Variants in SOX5 observed in about 807,000 individuals in gnomAD.
SOX5 encodes the protein SRY-box transcription factor 5, also known as transcription factor SOX-5.
In SOX5, 9 loss-of-function variants were observed where a neutral mutation model predicts 92.0. The ratio of observed to expected loss-of-function variants is 0.10; its 90% CI spans 0.06 to 0.17. The LOEUF (loss-of-function observed/expected upper bound fraction) is 0.17, where lower values mean the gene tolerates loss of function less well. Ranked by LOEUF, SOX5 falls within the 10% of genes least tolerant of loss-of-function variation. The probability of loss-of-function intolerance (pLI) is 1.00; values close to 1 mark genes in which losing one functional copy is unlikely to be tolerated. For missense variants in SOX5, 642 were observed against 944.5 expected, an observed-to-expected ratio of 0.68 and a Z score of 4.20; for synonymous variants, 344 against 336.3, an observed-to-expected ratio of 1.02 and a Z score of -0.25.
intron 3 of SOX5, among the ~76,000 whole-genome samples, chr12:23,841,017 C>G (rs74495915): frequency 6.6e-6 from 1 of 151,982 alleles, no homozygotes; most frequent in Non-Finnish European, 1.5e-5. Context: ...GTTTATTCCT[C>G]AAAAGACAAT....
intron 3 of SOX5, among the ~76,000 whole-genome samples, chr12:23,841,188 A>G (rs1348956009): frequency 6.6e-6 from 1 of 152,148 alleles, no homozygotes; most frequent in Non-Finnish European, 1.5e-5. Context: ...GCACTTCATT[A>G]AAGGCATATA....
At chr12:23,788,125 AT>A in intron 3 of SOX5, among the ~76,000 whole-genome samples, 1 of 152,046 alleles carries the variant, frequency 6.6e-6, no homozygotes, top group Middle Eastern at 3.4e-3. Context: ...ATGGTTTATC[AT>A]TTAAAAAAAC....
At position 23,883,428 on chromosome 12, in the gene SOX5, GATAA is replaced by G. The variant is rs568578941; in HGVS notation, c.270+12361_270+12364del. Reference sequence around the variant, plus strand: ...ACAAGAAAATACAGTCTTTTGTTCTGATAAATAATCATAATTAGTAAAAAGAAGA... The same window carrying G: ...ACAAGAAAATACAGTCTTTTGTTCTGATAATCATAATTAGTAAAAAGAAGA... On this transcript the variant is annotated intron_variant, in intron 2 of 14. Coordinates refer to ENST00000451604, the MANE Select transcript of SOX5 (RefSeq NM_006940.6). 6.6e-4 allele frequency among the ~76,000 whole-genome samples: 100 copies of G among 152,216 alleles called. 2 individuals carry two copies. Among genetic ancestry groups the G allele is most frequent in the African/African-American group, 2.2e-3 (90 of 41,530 alleles).
At chr12:23,715,659 A>C (rs1261972858) in intron 6 of SOX5, among the ~76,000 whole-genome samples, 3 of 152,152 alleles carry the variant, frequency 2.0e-5, no homozygotes, top group Non-Finnish European at 2.9e-5. Context: ...AAGCAGCTGG[A>C]GGCAAGACGC....
chr12:23,788,173 A>C (rs763984412), intron 3 of SOX5, among the ~76,000 whole-genome samples: 1 of 152,038 alleles, frequency 6.6e-6, no homozygotes, highest in Non-Finnish European at 1.5e-5. Context: ...TTCAAAAATA[A>C]AAATAAATTT....
At chr12:24,161,881 C>A (rs1952797458) in intron 4 of SOX5, among the ~76,000 whole-genome samples, 1 of 152,000 alleles carries the variant, frequency 6.6e-6, no homozygotes, top group Non-Finnish European at 1.5e-5. Flanking sequence ...CTAACAATTC[C>A]AAATTCAAGA....
At chr12:23,613,835 A>G (rs2137832887) in intron 8 of SOX5, among the ~76,000 whole-genome samples, 1 of 152,334 alleles carries the variant, frequency 6.6e-6, no homozygotes, top group East Asian at 1.9e-4. Context: ...AGAGACAGAA[A>G]GCAGAATGGT....
chr12:24,113,182 A>G (rs1325417183), intron 4 of SOX5, among the ~76,000 whole-genome samples: 1 of 150,062 alleles, frequency 6.7e-6, no homozygotes, highest in Non-Finnish European at 1.5e-5. Flanking sequence ...TTATTTGAAT[A>G]TGTAAATGCT....
At chr12:23,806,200 C>T (rs1314491533) in intron 3 of SOX5, among the ~76,000 whole-genome samples, 3 of 152,038 alleles carry the variant, frequency 2.0e-5, no homozygotes, top group Non-Finnish European at 4.4e-5. Flanking sequence ...TTCCATTAGC[C>T]TTCTACAGTT....
At chr12:23,564,429 C>A (rs1946726948) in intron 10 of SOX5, among the ~76,000 whole-genome samples, 1 of 151,934 alleles carries the variant, frequency 6.6e-6, no homozygotes, top group South Asian at 2.1e-4. Flanking sequence ...ACGAAACTGC[C>A]CAGAAAAGGG....
Position 24,289,189 on chromosome 12 carries a change from G to T in SOX5, c.-173-11877C>A, listed in dbSNP as rs563372913. On this transcript the variant is annotated intron_variant, in intron 2 of 4. Coordinates refer to the SOX5 transcript ENST00000446891. Reference sequence around the variant, plus strand: ...CCAGGTATTGGAGACTCTGAGGCAGGAGGATCACTTGAGCCCAGGAGGAGG... The same window carrying T: ...CCAGGTATTGGAGACTCTGAGGCAGTAGGATCACTTGAGCCCAGGAGGAGG... 2.6e-5 allele frequency among the ~76,000 whole-genome samples: 4 copies of T among 152,030 alleles called. No homozygotes were observed. In the East Asian group the frequency reaches 7.8e-4, roughly 30 times the overall value.
At position 23,740,977 on chromosome 12, in the gene SOX5, T is replaced by C; in HGVS notation, c.631A>G (p.Ser211Gly). 1 of 1,612,832 alleles carries C rather than the reference T, an allele frequency of 6.2e-7. No individual in the cohort carries two copies. Among genetic ancestry groups the C allele is most frequent in the South Asian group, 1.1e-5 (1 of 90,990 alleles). The change falls in exon 5 of 15, where the codon AGC becomes GGC. Residue 211 changes from serine to glycine, a missense_variant. Around this residue, in one of 8 missense-constraint regions of SOX5, gnomAD observed 324 missense variants for 461.6 expected, o/e 0.70. Coordinates refer to ENST00000451604, the MANE Select transcript of SOX5 (RefSeq NM_006940.6). ...GCAGCCAACAGCTGCTCTCGGAGGCTGGTCAGCTGGTTGATCATACCCATG... is the reference window on the plus strand; with the variant it reads ...GCAGCCAACAGCTGCTCTCGGAGGCCGGTCAGCTGGTTGATCATACCCATG... ...QLMGMINQLT[S>G]LREQLLAAHD... is the part of the protein sequence containing the mutation.
chr12:24,482,712 T>C (rs73289667), intron 1 of SOX5, among the ~76,000 whole-genome samples: 3,643 of 152,302 alleles, frequency 0.024, 153 homozygotes, highest in African/African-American at 0.084. Context: ...CATTTTGTGA[T>C]ACTACTTTTA....
chr12:23,692,488 A>G (rs928178316), intron 6 of SOX5, among the ~76,000 whole-genome samples: 5 of 151,980 alleles, frequency 3.3e-5, no homozygotes, highest in Non-Finnish European at 5.9e-5. Flanking sequence ...TTGATTAACT[A>G]CTAATTACAT....
At chr12:24,339,021 G>A (rs1952249278) in intron 2 of SOX5, among the ~76,000 whole-genome samples, 1 of 152,030 alleles carries the variant, frequency 6.6e-6, no homozygotes, top group South Asian at 2.1e-4. Flanking sequence ...TATATGCCAG[G>A]TAGTATTCTA....
At chr12:23,665,309 A>T (rs1192237780) in intron 7 of SOX5, 135 bp downstream of exon 7, 2 of 952,732 alleles carry the variant, frequency 2.1e-6, no homozygotes, top group Non-Finnish European at 3.3e-6. Context: ...TTCTCCACAC[A>T]TTCTGTGTGT....
chr12:24,139,600 G>GT (rs1056742564), intron 4 of SOX5, among the ~76,000 whole-genome samples: 1 of 152,264 alleles, frequency 6.6e-6, no homozygotes, highest in African/African-American at 2.4e-5. Context: ...TTGTTTGTTG[G>GT]TTTTGCAAAG....
intron 1 of SOX5, among the ~76,000 whole-genome samples, chr12:24,522,274 A>G (rs887176852): frequency 2.6e-5 from 4 of 152,048 alleles, no homozygotes; most frequent in African/African-American, 9.7e-5. Context: ...AGTTGAATCA[A>G]TAATCAAAAA....
chr12:24,276,358 C>T (rs1401495182), intron 3 of SOX5, among the ~76,000 whole-genome samples: 3 of 152,124 alleles, frequency 2.0e-5, no homozygotes, highest in Admixed American at 6.6e-5. Context: ...CATACACTTG[C>T]ATCTTGAAAT....
Sources: gnomAD v4.1 joint callset for allele counts (sites outside exome capture counted in the v4.1 genomes callset) on GRCh38, gnomAD v4.1.1 for gene constraint, gnomAD v4.1.1 regional missense constraint, MANE v1.5 for transcripts, NCBI Gene and HGNC (gene_info 2026-07-23, HGNC 2026-07-21) for gene names.